Variants in DNAH11 observed in about 807,000 individuals in gnomAD.
DNAH11 encodes axonemal beta dynein heavy chain 11.
In DNAH11, 442 loss-of-function variants were observed where a neutral mutation model predicts 526.0. The ratio of observed to expected loss-of-function variants is 0.84; its 90% CI spans 0.78 to 0.91. DNAH11 has a LOEUF of 0.91. Ranked by LOEUF, DNAH11 falls within the 40% of genes least tolerant of loss-of-function variation. The pLI is 0.00. For synonymous variants in DNAH11, 2,461 were observed against 1,935.9 expected (o/e 1.27, Z -7.12); for missense variants, 6,989 against 5,448.7 (o/e 1.28, Z -8.90).
At chr7:21,642,105 T>C (rs1787157426) in intron 28 of DNAH11, among the ~76,000 whole-genome samples, 1 of 152,202 alleles carries the variant, frequency 6.6e-6, no homozygotes, top group African/African-American at 2.4e-5. Flanking sequence ...TGGTTACATA[T>C]ATTTTTGATA....
rs1307428257 is a variant in DNAH11, at chr7:21,591,510, G to T, written c.2600G>T (p.Gly867Val). Residue 867 changes from glycine to valine, a missense_variant, in exon 14 of 82, where the codon GGT becomes GTT. Coordinates refer to ENST00000409508, the MANE Select transcript of DNAH11 (RefSeq NM_001277115.2). ...GCAGCCTTCACCTTGGAGGACAAGGGTGATTTGTTTACAAAAAAATACAAG... is the reference window on the plus strand; with the variant it reads ...GCAGCCTTCACCTTGGAGGACAAGGTTGATTTGTTTACAAAAAAATACAAG... ...REAAFTLEDK[G>V]DLFTKKYKLI... The T allele has an allele frequency of 1.2e-6, 2 of 1,602,462 alleles. No homozygotes were observed. Among genetic ancestry groups the T allele is most frequent in the Non-Finnish European group, 1.7e-6 (2 of 1,171,500 alleles).
chr7:21,610,138 C>T (rs1045988420), intron 20 of DNAH11, among the ~76,000 whole-genome samples: 2 of 152,106 alleles, frequency 1.3e-5, no homozygotes, highest in Admixed American at 6.5e-5. Flanking sequence ...CTTGTAGTCC[C>T]AGCTACTCGG....
chr7:21,865,645 G>T (rs556658576), intron 70 of DNAH11, among the ~76,000 whole-genome samples: 2 of 152,320 alleles, frequency 1.3e-5, no homozygotes, highest in African/African-American at 4.8e-5. Context: ...ACGAGAAAGA[G>T]CTGGGGTAGA....
At chr7:21,670,714 C>A (rs1253019438) in intron 30 of DNAH11, among the ~76,000 whole-genome samples, 1 of 152,132 alleles carries the variant, frequency 6.6e-6, no homozygotes, top group Non-Finnish European at 1.5e-5. Context: ...TTACCACATG[C>A]AGAGAGTTTG....
At chr7:21,734,078 G>A (rs1235452385) in intron 45 of DNAH11, among the ~76,000 whole-genome samples, 1 of 152,190 alleles carries the variant, frequency 6.6e-6, no homozygotes, top group Non-Finnish European at 1.5e-5. Flanking sequence ...TCCGTGCTCT[G>A]AAGAGCATTC....
At chr7:21,707,112 C>T (rs1004643130) in intron 39 of DNAH11, among the ~76,000 whole-genome samples, 1 of 152,158 alleles carries the variant, frequency 6.6e-6, no homozygotes, top group African/African-American at 2.4e-5. Context: ...GCTCCTTCCC[C>T]CTTCTTCCCC....
chr7:21,786,653 C>G lies in DNAH11; in HGVS notation c.9627C>G (p.Pro3209=), dbSNP rs200256329. 35 of 1,613,114 alleles carry G rather than the reference C, an allele frequency of 2.2e-5. No individual in the cohort carries two copies. Among genetic ancestry groups the G allele is most frequent in the Non-Finnish European group, 2.7e-5 (32 of 1,179,432 alleles). The part of the protein sequence containing the change: ...RVNLSELKAF[P]NPPIAVTNVT... ...ACCTCAGTGAGCTGAAAGCCTTTCCCAACCCTCCCATCGCAGTTACCAATG... is the reference window on the plus strand; with the variant it reads ...ACCTCAGTGAGCTGAAAGCCTTTCCGAACCCTCCCATCGCAGTTACCAATG... The change falls in exon 59 of 82, where the codon CCC becomes CCG. Residue 3209 remains proline (P), a synonymous_variant. Coordinates refer to ENST00000409508, the MANE Select transcript of DNAH11 (RefSeq NM_001277115.2).
intron 42 of DNAH11, among the ~76,000 whole-genome samples, chr7:21,717,159 G>T (rs1241142554): frequency 6.6e-6 from 1 of 151,490 alleles, no homozygotes; most frequent in Non-Finnish European, 1.5e-5. Flanking sequence ...ATACATTAAG[G>T]ATATTTAATG....
intron 44 of DNAH11, among the ~76,000 whole-genome samples, chr7:21,724,739 AAGAGTCACT>A (rs1278622463): frequency 3.0e-4 from 45 of 150,484 alleles, no homozygotes; most frequent in Middle Eastern, 3.5e-3. Flanking sequence ...CTATGAATAT[AAGAGTCACT>A]GGGCCAGGTC....
At chr7:21,851,733 C>A in intron 66 of DNAH11, 1 of 459,186 alleles carries the variant, frequency 2.2e-6, no homozygotes, top group Non-Finnish European at 4.5e-6. Context: ...TCCCGAGAAG[C>A]TGTGATTCTC....
rs971192231 is a variant in DNAH11 at position 21,591,613 on chromosome 7, T to G, written c.2667+36T>G. On this transcript the variant is annotated intron_variant, in intron 14 of 81. Transcript: ENST00000409508. ...TTAACCTTTCAAGATTTATAGATCT[T>G]TTCATTGAGTTCAGAGAAGAGCAAA... 2.7e-6 allele frequency: 4 copies of G among 1,496,366 alleles called. No homozygotes were observed. The Admixed American group carries it at 9.0e-5, about 34-fold the overall frequency. The allele number at this position is 1,496,366 out of a possible 1,614,324, so 92.7% of individuals were successfully genotyped here. A position where few individuals can be genotyped will look rare whatever the true frequency, so the allele number is the denominator to read the frequency against.
chr7:21,690,730 C>A, intron 34 of DNAH11, 35 bp from the exon 35 acceptor site: 2 of 1,481,714 alleles, frequency 1.3e-6, no homozygotes, highest in Non-Finnish European at 1.9e-6. Context: ...ATTCAATGAA[C>A]ACATTTAATT....
Position 21,636,180 on chromosome 7 carries a change from G to A in DNAH11, c.4725+85G>A, listed in dbSNP as rs1216856209. 4 of 1,160,962 alleles carry A rather than the reference G, an allele frequency of 3.4e-6. 1 individual carries two copies. In the South Asian group the frequency reaches 5.1e-5, roughly 15 times the overall value. 71.9% of individuals were successfully genotyped at this position (1,160,962 alleles called of 1,614,324 possible). On this transcript the variant is annotated intron_variant, in intron 26 of 81. Transcript: ENST00000409508. Reference sequence around the variant, plus strand: ...GAGCATCGTATTTATAAAAATGAATGCATTTTTGCATGAGTAAGCAGGAGT... The same window carrying A: ...GAGCATCGTATTTATAAAAATGAATACATTTTTGCATGAGTAAGCAGGAGT...
At chr7:21,552,949 A>G (rs1783076207) in intron 2 of DNAH11, among the ~76,000 whole-genome samples, 1 of 151,912 alleles carries the variant, frequency 6.6e-6, no homozygotes, top group Admixed American at 6.6e-5. Context: ...ACGACCCATT[A>G]GGCTTTTTGA....
intron 22 of DNAH11, 119 bp from the exon 23 acceptor site, chr7:21,617,500 C>A: frequency 8.2e-7 from 1 of 1,223,660 alleles, no homozygotes; most frequent in South Asian, 1.5e-5. Flanking sequence ...TCTAGGAGTT[C>A]AAATGCTTTC....
chr7:21,573,737 C>T (rs1216321192), intron 8 of DNAH11, among the ~76,000 whole-genome samples: 1 of 152,106 alleles, frequency 6.6e-6, no homozygotes, highest in East Asian at 1.9e-4. Context: ...AACCTCTGCC[C>T]TTCCCCTCCC....
chr7:21,756,602 A>G (rs1196946068), intron 54 of DNAH11, among the ~76,000 whole-genome samples: 1 of 152,118 alleles, frequency 6.6e-6, no homozygotes, highest in African/African-American at 2.4e-5. Context: ...ATATAATTAC[A>G]ATATTGAGTA....
chr7:21,629,901 T>C (rs745962650), intron 25 of DNAH11, among the ~76,000 whole-genome samples: 11 of 152,176 alleles, frequency 7.2e-5, no homozygotes, highest in Admixed American at 2.0e-4. Flanking sequence ...AATTGGATAA[T>C]TGAGTCCATT....
chr7:21,703,925 T>C (rs1455078404), intron 37 of DNAH11, among the ~76,000 whole-genome samples: 8 of 152,254 alleles, frequency 5.3e-5, no homozygotes, highest in Non-Finnish European at 1.5e-5. Flanking sequence ...CTCTTGCTTT[T>C]TAAAATTTTT....
Sources: gnomAD v4.1 joint callset for allele counts (sites outside exome capture counted in the v4.1 genomes callset) on GRCh38, gnomAD v4.1.1 for gene constraint, MANE v1.5 for transcripts, NCBI Gene and HGNC (gene_info 2026-07-23, HGNC 2026-07-21) for gene names.